Variants in LRCH3 observed in about 807,000 individuals in gnomAD.
LRCH3 encodes the protein DISP complex protein LRCH3.
A neutral mutation model predicts 104.5 loss-of-function variants in LRCH3; 68 were observed. The ratio of observed to expected loss-of-function variants is 0.65; its 90% CI spans 0.54 to 0.80. LRCH3 has a LOEUF of 0.80. LRCH3 is among the 30% of genes least tolerant of loss of function. The pLI is 0.00. For missense variants in LRCH3, 951 were observed against 953.9 expected, an observed-to-expected ratio of 1.00 and a Z score of 0.04; for synonymous variants, 344 against 361.3, an observed-to-expected ratio of 0.95 and a Z score of 0.54.
chr3:197,844,441 G>C (rs1050743732), intron 10 of LRCH3, among the ~76,000 whole-genome samples: 1 of 152,092 alleles, frequency 6.6e-6, no homozygotes, highest in Admixed American at 6.6e-5. Flanking sequence ...ACCCAGGCTG[G>C]AGTGCAGTGG....
intron 4 of LRCH3, among the ~76,000 whole-genome samples, chr3:197,821,814 A>T (rs1734522681): frequency 6.6e-6 from 1 of 152,178 alleles, no homozygotes; most frequent in Non-Finnish European, 1.5e-5. Flanking sequence ...AGCTTAGACT[A>T]CAGGCACTTG....
intron 5 of LRCH3, among the ~76,000 whole-genome samples, chr3:197,827,451 G>C (rs1215359605): frequency 6.6e-6 from 1 of 152,140 alleles, no homozygotes; most frequent in Non-Finnish European, 1.5e-5. Context: ...GGAAGCATCA[G>C]GTAAACCATA....
At chr3:197,880,608 T>C in intron 20 of LRCH3, 1 of 1,536,810 alleles carries the variant, frequency 6.5e-7, no homozygotes, top group Non-Finnish European at 8.7e-7. Context: ...CTCAGAAGAA[T>C]CCAGTTTTGT....
rs1264050543 is a variant in LRCH3, at chr3:197,885,079, C to T, written c.*1413C>T. 6.6e-6 allele frequency: 1 copy of T among 152,158 alleles called. No individual in the cohort carries two copies. Among genetic ancestry groups the T allele is most frequent in the Non-Finnish European group, 1.5e-5 (1 of 68,046 alleles). 9.4% of individuals were successfully genotyped at this position (152,158 alleles called of 1,614,324 possible). ...GCCCTCTATACACAGGTTCCAAACC[C>T]CGTTATCTAGACATTATCAACAACA... On this transcript the variant is annotated 3_prime_UTR_variant, in exon 21 of 21. Coordinates refer to ENST00000425562, the MANE Select transcript of LRCH3 (RefSeq NM_001365715.1).
At chr3:197,794,537 A>G (rs1730974725) in intron 1 of LRCH3, among the ~76,000 whole-genome samples, 1 of 152,266 alleles carries the variant, frequency 6.6e-6, no homozygotes, top group Non-Finnish European at 1.5e-5. Context: ...ATGCTAATAT[A>G]TAAAAGTTGC....
chr3:197,847,373 A>G, intron 10 of LRCH3, 36 bp from the exon 11 acceptor site: 1 of 1,545,454 alleles, frequency 6.5e-7, no homozygotes, highest in Non-Finnish European at 8.7e-7. Flanking sequence ...TTTTTATCAA[A>G]GAGTTTTTTT....
intron 1 of LRCH3, among the ~76,000 whole-genome samples, chr3:197,800,964 G>T (rs901779621): frequency 6.6e-6 from 1 of 151,852 alleles, no homozygotes; most frequent in Non-Finnish European, 1.5e-5. Context: ...GTGTGGTGGC[G>T]GGCGCCTGTA....
chr3:197,813,816 C>G (rs1319030170), intron 1 of LRCH3, among the ~76,000 whole-genome samples: 1 of 152,112 alleles, frequency 6.6e-6, no homozygotes, highest in Non-Finnish European at 1.5e-5. Context: ...CAGGCGTGAG[C>G]CACCGCGCCT....
chr3:197,876,205 G>C (rs9758190), intron 20 of LRCH3: 57,499 of 152,548 alleles, frequency 0.38, 16,101 homozygotes, highest in African/African-American at 0.8. Flanking sequence ...GTATACTTCA[G>C]TCAATTTCTT....
intron 20 of LRCH3, chr3:197,882,517 C>CAAAAAAAAAAAAAAAAAAAAAAAAAAAAA (rs1199254858): frequency 1.2e-6 from 1 of 835,968 alleles, no homozygotes; most frequent in African/African-American, 2.4e-5. Flanking sequence ...CAATGAAAAG[C>CAAAAAAAAAAAAAAAAAAAAAAAAAAAAA]AAAACAAAAA....
At position 197,882,865 on chromosome 3, in the gene LRCH3, AG is replaced by A. The variant is rs764848598; in HGVS notation, c.2209-674del. On this transcript the variant is annotated intron_variant, in intron 20 of 20. Transcript: ENST00000425562. ...GGAATAATTCAGGCTGTTAAATACC[AG>A]GATATTAAATCCTTTACATTTTCAA... 302 of 985,208 alleles carry A rather than the reference AG, an allele frequency of 3.1e-4. 1 individual carries two copies. Among genetic ancestry groups the A allele is most frequent in the Middle Eastern group, 5.2e-4 (1 of 1,936 alleles). 61.0% of individuals were successfully genotyped at this position (985,208 alleles called of 1,614,324 possible). A position where few individuals can be genotyped will look rare whatever the true frequency, so the allele number is the denominator to read the frequency against.
chr3:197,811,094 C>T lies in LRCH3; in HGVS notation c.263-3814C>T, dbSNP rs559819780. ...TAAACAGAAAGTCTGAAAAGCGTAA[C>T]CCACTCTCATGACTCATCACGGGGT... On this transcript the variant is annotated intron_variant, in intron 1 of 20. Transcript: ENST00000425562. 2.4e-3 allele frequency among the ~76,000 whole-genome samples: 366 copies of T among 152,236 alleles called. 2 individuals are homozygous for T. Among genetic ancestry groups the T allele is most frequent in the African/African-American group, 8.1e-3 (337 of 41,546 alleles).
At chr3:197,838,057 A>G (rs1386109995) in intron 9 of LRCH3, among the ~76,000 whole-genome samples, 2 of 146,952 alleles carry the variant, frequency 1.4e-5, no homozygotes, top group African/African-American at 5.4e-5. Context: ...AAGATTCTGT[A>G]TCCAAAAAAA....
At chr3:197,877,649 AAGAG>A (rs1713053428) in intron 20 of LRCH3, among the ~76,000 whole-genome samples, 1 of 152,266 alleles carries the variant, frequency 6.6e-6, no homozygotes, top group African/African-American at 2.4e-5. Flanking sequence ...TACAAAGTGA[AAGAG>A]AGAGCGCCCA....
At position 197,883,382 on chromosome 3, in the gene LRCH3, C is replaced by G; in HGVS notation, c.2209-159C>G. 1 of 1,401,414 alleles carries G rather than the reference C, an allele frequency of 7.1e-7. No homozygotes were observed. Among genetic ancestry groups the G allele is most frequent in the Non-Finnish European group, 9.3e-7 (1 of 1,075,038 alleles). 86.8% of individuals were successfully genotyped at this position (1,401,414 alleles called of 1,614,324 possible). ...ACAGTGAGTGTCAGACACCATCTCT[C>G]TAACTCATATTTACACTGAGGTCAG... On this transcript the variant is annotated intron_variant, in intron 20 of 20. Transcript: ENST00000425562. This position sits in a 1 kb window ranked among gnomAD's most constrained non-coding sequence, Gnocchi z 4.2.
At chr3:197,800,823 C>T (rs989538047) in intron 1 of LRCH3, among the ~76,000 whole-genome samples, 1 of 152,110 alleles carries the variant, frequency 6.6e-6, no homozygotes, top group African/African-American at 2.4e-5. Flanking sequence ...TGGCCAAGTG[C>T]GGTGGCTCAC....
intron 10 of LRCH3, among the ~76,000 whole-genome samples, chr3:197,845,709 A>G (rs1738573309): frequency 2.6e-5 from 4 of 152,004 alleles, no homozygotes; most frequent in Non-Finnish European, 4.4e-5. Flanking sequence ...GTTCAAGACC[A>G]GCCTGGCCAG....
At chr3:197,811,150 T>C (rs1733076841) in intron 1 of LRCH3, among the ~76,000 whole-genome samples, 2 of 152,218 alleles carry the variant, frequency 1.3e-5, no homozygotes, top group Non-Finnish European at 2.9e-5. Context: ...TCTATGTTCT[T>C]GGTGTTTAAA....
chr3:197,804,414 C>T (rs1732243887), intron 1 of LRCH3, among the ~76,000 whole-genome samples: 1 of 152,128 alleles, frequency 6.6e-6, no homozygotes. Flanking sequence ...TAGACTGTGC[C>T]TTGCCTCAGC....
Sources: gnomAD v4.1 joint callset for allele counts (sites outside exome capture counted in the v4.1 genomes callset) on GRCh38, gnomAD v4.1.1 for gene constraint, Gnocchi (gnomAD v3.1) non-coding constraint, MANE v1.5 for transcripts, NCBI Gene and HGNC (gene_info 2026-07-23, HGNC 2026-07-21) for gene names.